The following RFTN1 variants were observed in gnomAD, a reference collection of about 807,000 sequenced individuals.
RFTN1 encodes raftlin.
A neutral mutation model predicts 46.5 loss-of-function variants in RFTN1; 26 were observed. The ratio of observed to expected loss-of-function variants is 0.56; its 90% CI spans 0.41 to 0.78. The LOEUF (loss-of-function observed/expected upper bound fraction) is 0.78. Ranked by LOEUF, RFTN1 falls within the 30% of genes least tolerant of loss-of-function variation. RFTN1 has a pLI of 0.00. For missense variants in RFTN1, 693 were observed against 718.7 expected (o/e 0.96, Z 0.41); for synonymous variants, 261 against 284.2 (o/e 0.92, Z 0.82).
intron 3 of RFTN1, among the ~76,000 whole-genome samples, chr3:16,432,567 T>C (rs908524479): frequency 1.3e-5 from 2 of 151,984 alleles, no homozygotes; most frequent in Non-Finnish European, 2.9e-5. Flanking sequence ...CCAGGCTCAG[T>C]GGCTCACACC....
intron 4 of RFTN1, among the ~76,000 whole-genome samples, chr3:16,406,588 C>A (rs890353161): frequency 6.6e-6 from 1 of 152,178 alleles, no homozygotes; most frequent in African/African-American, 2.4e-5. Context: ...AAGTGTATGA[C>A]AGGAACAGGA....
chr3:16,408,467 C>A (rs561426341), intron 4 of RFTN1, among the ~76,000 whole-genome samples: 2 of 147,496 alleles, frequency 1.4e-5, no homozygotes, highest in Non-Finnish European at 3.0e-5. Context: ...GGGGAATTGT[C>A]GATTACTAGG....
In RFTN1 at chr3:16,481,703, G is replaced by A. The variant is rs1045796863; in HGVS notation, c.145+12022C>T. On this transcript the variant is annotated intron_variant, in intron 2 of 9. Coordinates refer to ENST00000334133, the MANE Select transcript of RFTN1 (RefSeq NM_015150.2). The surrounding 1 kb of genome is among the most constrained non-coding windows in gnomAD (Gnocchi z 5.1). ...CAGTGAAAAGAAACAGAAGCCAAAA[G>A]TGGGTCAGGAGAAACTGTTTAATCT... Among the ~76,000 whole-genome samples the A allele has an allele frequency of 2.0e-5, 3 of 152,174 alleles. No individual in the cohort carries two copies. The highest frequency in any genetic ancestry group is 2.0e-4 in the Admixed American group (3 of 15,288).
rs969388489 is a variant in RFTN1 at position 16,374,796 on chromosome 3, AG to A, written c.826+2921del. ...GGCACAGCACGGACCTCCAACCAAA[AG>A]GAAATTCCCCCAGACCAGGAAATAA... is the stretch of plus-strand genomic sequence containing the variant. On this transcript the variant is annotated intron_variant, in intron 5 of 9. Coordinates refer to ENST00000334133, the MANE Select transcript of RFTN1 (RefSeq NM_015150.2). The surrounding 1 kb of genome is among the most constrained non-coding windows in gnomAD (Gnocchi z 5.4). 9.9e-5 allele frequency among the ~76,000 whole-genome samples: 15 copies of A among 152,176 alleles called. No homozygotes were observed. The highest frequency in any genetic ancestry group is 3.6e-4 in the African/African-American group (15 of 41,434).
rs939507741 is a variant in RFTN1, at chr3:16,327,219, G to A, written c.1147-343C>T. 6.6e-6 allele frequency among the ~76,000 whole-genome samples: 1 copy of A among 152,182 alleles called. No individual in the cohort carries two copies. The highest frequency in any genetic ancestry group is 2.4e-5 in the African/African-American group (1 of 41,438). On this transcript the variant is annotated intron_variant, in intron 7 of 9. Coordinates refer to ENST00000334133, the MANE Select transcript of RFTN1 (RefSeq NM_015150.2). The surrounding 1 kb of genome is among the most constrained non-coding windows in gnomAD (Gnocchi z 4.2). ...GTCTCACCTCTGAGCGGTATCCAGG[G>A]CATATAACTACACGTGCTGCTCTGA...
intron 4 of RFTN1, among the ~76,000 whole-genome samples, chr3:16,406,831 A>G (rs1356318721): frequency 2.0e-5 from 3 of 152,204 alleles, no homozygotes; most frequent in African/African-American, 7.2e-5. Context: ...CACAGTGTTA[A>G]GGACTTATAC....
At chr3:16,493,917 CT>C in intron 1 of RFTN1, 40 bp from the exon 2 acceptor site, 1 of 1,610,956 alleles carries the variant, frequency 6.2e-7, no homozygotes, top group East Asian at 2.2e-5. Context: ...TGATTTTTTT[CT>C]GAGATTTTGT....
intron 2 of RFTN1, among the ~76,000 whole-genome samples, chr3:16,486,685 A>G (rs1214715773): frequency 6.6e-6 from 1 of 152,192 alleles, no homozygotes; most frequent in Non-Finnish European, 1.5e-5. Flanking sequence ...GGCTACCACC[A>G]TCCCATCAGT....
intron 4 of RFTN1, among the ~76,000 whole-genome samples, chr3:16,396,763 T>C (rs11715320): frequency 0.1 from 15,469 of 152,172 alleles, 940 homozygotes; most frequent in East Asian, 0.19. Flanking sequence ...CCAGGATTAG[T>C]ACTCATTTTA....
rs149272972 is a variant in RFTN1, at chr3:16,323,379, C to T, written c.1329G>A (p.Ser443=). The T allele has an allele frequency of 1.2e-5, 20 of 1,605,418 alleles. No individual in the cohort carries two copies. Among genetic ancestry groups the T allele is most frequent in the Admixed American group, 1.7e-5 (1 of 59,946 alleles). Residue 443 remains serine (S), a synonymous_variant, in exon 9 of 10, where the codon TCG becomes TCA. Transcript: ENST00000334133. ...GAAGGCCATCAAAGTCTCTTACCTT[C>T]GATTCCTTCTTCTTGATTTTCTGAG... ...CLPQKIKKKE[S]KFQWRFSREE...
Position 16,433,824 on chromosome 3 carries a change from C to G in RFTN1, c.332+27G>C. 1.2e-6 allele frequency: 2 copies of G among 1,611,182 alleles called. No homozygotes were observed. The highest frequency in any genetic ancestry group is 1.1e-5 in the South Asian group (1 of 91,024). On this transcript the variant is annotated intron_variant, in intron 3 of 9. Transcript: ENST00000334133. The surrounding 1 kb of genome is among the most constrained non-coding windows in gnomAD (Gnocchi z 4.4). ...AGCATAACTTAGCCGCAACAGGATG[C>G]TACCCATTCACCCGTGGAGGCCTTA...
chr3:16,387,181 C>T lies in RFTN1; in HGVS notation c.442-9079G>A, dbSNP rs1383402412. Among the ~76,000 whole-genome samples, 1 of 152,210 alleles carries T rather than the reference C, an allele frequency of 6.6e-6. No individual in the cohort carries two copies. The highest frequency in any genetic ancestry group is 1.5e-5 in the Non-Finnish European group (1 of 68,042). On this transcript the variant is annotated intron_variant, in intron 4 of 9. Coordinates refer to ENST00000334133, the MANE Select transcript of RFTN1 (RefSeq NM_015150.2). This position sits in a 1 kb window ranked among gnomAD's most constrained non-coding sequence, Gnocchi z 5.2. ...TATCCTTGGCTTTCTCTGTCTGACA[C>T]ATCCCACAAATGTCGCATCCATCCA...
At position 16,433,055 on chromosome 3, in the gene RFTN1, A is replaced by T. The variant is rs1357474085; in HGVS notation, c.332+796T>A. On this transcript the variant is annotated intron_variant, in intron 3 of 9. Coordinates refer to ENST00000334133, the MANE Select transcript of RFTN1 (RefSeq NM_015150.2). This position sits in a 1 kb window ranked among gnomAD's most constrained non-coding sequence, Gnocchi z 4.4. Reference sequence around the variant, plus strand: ...TTTTTAAAATGTGGCACATGCTGTCATTCCTTCTATGATAGTTGGCCAAAA... The same window carrying T: ...TTTTTAAAATGTGGCACATGCTGTCTTTCCTTCTATGATAGTTGGCCAAAA... Among the ~76,000 whole-genome samples the T allele has an allele frequency of 3.3e-5, 5 of 152,196 alleles. No individual in the cohort carries two copies. The East Asian group carries it at 9.6e-4, about 29-fold the overall frequency.
At chr3:16,319,474 A>AC (rs540579330) in intron 9 of RFTN1, among the ~76,000 whole-genome samples, 3 of 152,166 alleles carry the variant, frequency 2.0e-5, no homozygotes, top group Non-Finnish European at 4.4e-5. Context: ...TGCGGTGCAC[A>AC]CCTCCAGGGC....
rs1217778828 is a variant in RFTN1, at chr3:16,425,999, T to C, written c.332+7852A>G. Among the ~76,000 whole-genome samples the C allele has an allele frequency of 6.6e-6, 1 of 152,096 alleles. No individual in the cohort carries two copies. The highest frequency in any genetic ancestry group is 1.5e-5 in the Non-Finnish European group (1 of 68,004). The stretch of plus-strand genomic sequence containing the variant: ...GCCCCACCTAAATCGGAATCCAAAA[T>C]AACGACCCACATGCTAAACAAACAC... On this transcript the variant is annotated intron_variant, in intron 3 of 9. Transcript: ENST00000334133. The surrounding 1 kb of genome is among the most constrained non-coding windows in gnomAD (Gnocchi z 4.3).
rs1020402418 is a variant in RFTN1 at position 16,481,448 on chromosome 3, C to A, written c.145+12277G>T. ...AAAACATGGTCTGTTTTTAACACAC[C>A]TCCCAGCCAGAACCTCAACTCATAA... On this transcript the variant is annotated intron_variant, in intron 2 of 9. Coordinates refer to ENST00000334133, the MANE Select transcript of RFTN1 (RefSeq NM_015150.2). The surrounding 1 kb of genome is among the most constrained non-coding windows in gnomAD (Gnocchi z 5.1). 6.6e-6 allele frequency among the ~76,000 whole-genome samples: 1 copy of A among 152,152 alleles called. No homozygotes were observed. Among genetic ancestry groups the A allele is most frequent in the African/African-American group, 2.4e-5 (1 of 41,428 alleles).
rs773589284 is a variant in RFTN1 at position 16,381,330 on chromosome 3, T to C, written c.442-3228A>G. Among the ~76,000 whole-genome samples the C allele has an allele frequency of 6.6e-5, 10 of 152,328 alleles. No homozygotes were observed. The highest frequency in any genetic ancestry group is 1.9e-4 in the East Asian group (1 of 5,188). ...GATGTTACTTTTAGAATTGAAAAAG[T>C]AAATATTGTAAAAATTCCTCATAGA... On this transcript the variant is annotated intron_variant, in intron 4 of 9. Transcript: ENST00000334133. This position sits in a 1 kb window ranked among gnomAD's most constrained non-coding sequence, Gnocchi z 4.2.
intron 5 of RFTN1, among the ~76,000 whole-genome samples, chr3:16,372,523 A>C (rs78829164): frequency 0.023 from 3,443 of 152,132 alleles, 129 homozygotes; most frequent in African/African-American, 0.079. Flanking sequence ...AATGCAAATG[A>C]ATTAAGAAGA....
At position 16,431,937 on chromosome 3, in the gene RFTN1, G is replaced by A. The variant is rs187870536; in HGVS notation, c.332+1914C>T. 1.1e-4 allele frequency among the ~76,000 whole-genome samples: 16 copies of A among 152,280 alleles called. No individual in the cohort carries two copies. The East Asian group carries it at 3.1e-3, about 29-fold the overall frequency. On this transcript the variant is annotated intron_variant, in intron 3 of 9. Coordinates refer to ENST00000334133, the MANE Select transcript of RFTN1 (RefSeq NM_015150.2). The stretch of plus-strand genomic sequence containing the variant: ...TGCAGGTACGGGAGACAGCCTTCCT[G>A]GGAGCAAGGCAGAACTCTGCTTGCT...
Sources: gnomAD v4.1 joint callset for allele counts (sites outside exome capture counted in the v4.1 genomes callset) on GRCh38, gnomAD v4.1.1 for gene constraint, Gnocchi (gnomAD v3.1) non-coding constraint, MANE v1.5 for transcripts, NCBI Gene and HGNC (gene_info 2026-07-23, HGNC 2026-07-21) for gene names.